The following DPEP1 variants were observed in gnomAD, a reference collection of about 807,000 sequenced individuals.
DPEP1 encodes the protein beta-lactamase.
Under a neutral mutation model 42.3 loss-of-function variants are expected in DPEP1, and 50 were observed. The observed-to-expected ratio is 1.18, with a 90% CI of 0.94 to 1.50. DPEP1 has a LOEUF of 1.50. Ranked by LOEUF, DPEP1 falls within the 40% of genes most tolerant of loss-of-function variation. The pLI is 0.00. For synonymous variants in DPEP1, 297 were observed against 234.0 expected (o/e 1.27, Z -2.46); for missense variants, 663 against 553.0 (o/e 1.20, Z -1.99).
At chr16:89,631,862 A>T (rs2059593652) in intron 2 of DPEP1, among the ~76,000 whole-genome samples, 1 of 152,134 alleles carries the variant, frequency 6.6e-6, no homozygotes. Flanking sequence ...ATCTCAAATT[A>T]AAAAAACTTA....
downstream of DPEP1, chr16:89,640,580 T>C (rs1312133475): frequency 2.0e-6 from 2 of 982,670 alleles, no homozygotes; most frequent in Admixed American, 6.2e-5. Flanking sequence ...TCGTTCTGTC[T>C]GTTCCCCTCC....
At chr16:89,638,901 GCACA>G (rs1225823003), downstream of DPEP1, among the ~76,000 whole-genome samples, 13 of 23,774 alleles carry the variant, frequency 5.5e-4, 2 homozygotes, top group East Asian at 0.031. Context: ...CCCCACCCCT[GCACA>G]CACACACACA....
At chr16:89,634,093 T>TCTTC (rs57560272) in intron 2 of DPEP1, among the ~76,000 whole-genome samples, 2 of 133,060 alleles carry the variant, frequency 1.5e-5, no homozygotes, top group Admixed American at 7.2e-5. Flanking sequence ...CTCTTCTTCT[T>TCTTC]TTTTTTTTTT....
rs1304175485 is a variant in DPEP1 at position 89,637,228 on chromosome 16, C to G, written c.616C>G (p.Leu206Val). Residue 206 changes from leucine (L) to valine (V), a missense_variant, in exon 7 of 11, where the codon CTG becomes GTG. Leu to Val is a conservative substitution (Grantham distance 32, BLOSUM62 1). Coordinates refer to ENST00000690203, the MANE Select transcript of DPEP1 (RefSeq NM_001389466.1). ...GQRVVKELNR[L>V]GVLIDLAHVS... ...GCGTGTGGTGAAGGAGCTGAACCGT[C>G]TGGGGGTCCTCATCGACTTGGCTCA... 1.2e-6 allele frequency: 2 copies of G among 1,612,672 alleles called. No homozygotes were observed. The highest frequency in any genetic ancestry group is 8.5e-7 in the Non-Finnish European group (1 of 1,179,918).
At chr16:89,616,458 G>A (rs975888441) in intron 1 of DPEP1, among the ~76,000 whole-genome samples, 2 of 152,174 alleles carry the variant, frequency 1.3e-5, no homozygotes, top group African/African-American at 2.4e-5. Context: ...TTGGATGGAG[G>A]AGGGGGTCGC....
At chr16:89,619,784 A>T (rs1223338947) in intron 1 of DPEP1, among the ~76,000 whole-genome samples, 1 of 234 alleles carries the variant, frequency 4.3e-3, no homozygotes, top group African/African-American at 0.029. Flanking sequence ...AGCCCCCTGC[A>T]CCCCCTCCCT....
intron 1 of DPEP1, among the ~76,000 whole-genome samples, chr16:89,622,023 C>T (rs1188751071): frequency 2.0e-5 from 3 of 152,128 alleles, no homozygotes; most frequent in African/African-American, 4.8e-5. Flanking sequence ...ACATCACTGT[C>T]GAGGCTGTCA....
intron 2 of DPEP1, among the ~76,000 whole-genome samples, chr16:89,632,232 TA>T (rs1288480136): frequency 1.3e-5 from 2 of 152,066 alleles, no homozygotes; most frequent in African/African-American, 4.8e-5. Flanking sequence ...TTGGTATTTT[TA>T]GTAGAGACAG....
At position 89,637,868 on chromosome 16, in the gene DPEP1, A is replaced by C; in HGVS notation, c.962A>C (p.Tyr321Ser). The change falls in exon 10 of 11, where the codon TAT becomes TCT. Residue 321 changes from tyrosine (Y) to serine (S), a missense_variant. Coordinates refer to ENST00000690203, the MANE Select transcript of DPEP1 (RefSeq NM_001389466.1). ...GAGGGGCTGGAGGACGTCTCCAAGT[A>C]TCCAGACCTGATCGCTGAGCTGCTC... is the stretch of plus-strand genomic sequence containing the variant. ...VPEGLEDVSKYPDLIAELLRR... is the reference protein window; with the variant it reads ...VPEGLEDVSKSPDLIAELLRR... 1 of 1,612,770 alleles carries C rather than the reference A, an allele frequency of 6.2e-7. No homozygotes were observed. Among genetic ancestry groups the C allele is most frequent in the South Asian group, 1.1e-5 (1 of 91,082 alleles).
In DPEP1 at chr16:89,637,286, A is replaced by T. The variant is rs769332649; in HGVS notation, c.674A>T (p.Gln225Leu). ...GTGGCCACCATGAAGGCCACCCTGC[A>T]GCTGTCCAGAGCCCCGGTCATCTTC... ...VSVATMKATL[Q>L]LSRAPVIFSH... is the part of the protein sequence containing the mutation. The change falls in exon 7 of 11, where the codon CAG (glutamine) becomes CTG (leucine). Residue 225 changes from glutamine to leucine, a missense_variant. Gln to Leu is a moderately radical substitution (Grantham distance 113, BLOSUM62 -2). Coordinates refer to ENST00000690203, the MANE Select transcript of DPEP1 (RefSeq NM_001389466.1). 1 of 1,612,698 alleles carries T rather than the reference A, an allele frequency of 6.2e-7. No individual in the cohort carries two copies. The highest frequency in any genetic ancestry group is 8.5e-7 in the Non-Finnish European group (1 of 1,179,974).
chr16:89,632,414 G>A (rs976454135), intron 2 of DPEP1, among the ~76,000 whole-genome samples: 32 of 152,182 alleles, frequency 2.1e-4, no homozygotes, highest in Admixed American at 4.6e-4. Context: ...CACCGCCAGC[G>A]ACACAGGGGC....
At chr16:89,621,483 C>T (rs139833301) in intron 1 of DPEP1, among the ~76,000 whole-genome samples, 248 of 152,288 alleles carry the variant, frequency 1.6e-3, no homozygotes, top group African/African-American at 5.5e-3. Context: ...AGAGAGAGTC[C>T]GGGGCTGCTG....
chr16:89,634,085 C>CTCCTTCTT (rs2059626556), intron 2 of DPEP1, among the ~76,000 whole-genome samples: 1 of 97,008 alleles, frequency 1.0e-5, no homozygotes, highest in Non-Finnish European at 2.1e-5. Flanking sequence ...TTTCTCTTCT[C>CTCCTTCTT]TTCTTCTTTT....
At chr16:89,620,286 G>T (rs1277009126) in intron 1 of DPEP1, among the ~76,000 whole-genome samples, 2 of 152,030 alleles carry the variant, frequency 1.3e-5, no homozygotes, top group Non-Finnish European at 2.9e-5. Flanking sequence ...TCTGCCAGTG[G>T]GGGGGACACA....
Position 89,616,593 on chromosome 16 carries a change from C to A in DPEP1, c.-107+2874C>A, listed in dbSNP as rs145205145. Among the ~76,000 whole-genome samples the A allele has an allele frequency of 3.0e-3, 459 of 152,312 alleles. 3 individuals carry two copies. The Middle Eastern group carries it at 0.034, about 11-fold the overall frequency. On this transcript the variant is annotated intron_variant, in intron 1 of 10. Coordinates refer to ENST00000690203, the MANE Select transcript of DPEP1 (RefSeq NM_001389466.1). ...GATGCTTCTGGTTCTGGCACTGGGA[C>A]CTGCAGCAGGATTCCCGGGTGGCTT...
downstream of DPEP1, among the ~76,000 whole-genome samples, chr16:89,639,150 G>A (rs2059723274): frequency 5.4e-5 from 1 of 18,352 alleles, no homozygotes. Context: ...CCTCATCCTT[G>A]CACACACACA....
chr16:89,620,209 A>ACGG (rs1431702842), intron 1 of DPEP1, among the ~76,000 whole-genome samples: 3 of 151,994 alleles, frequency 2.0e-5, no homozygotes, highest in Non-Finnish European at 2.9e-5. Context: ...GAAACTGAGG[A>ACGG]CGGAGTTTGT....
intron 1 of DPEP1, among the ~76,000 whole-genome samples, chr16:89,615,039 A>C (rs1035678171): frequency 6.6e-6 from 1 of 152,132 alleles, no homozygotes; most frequent in African/African-American, 2.4e-5. Context: ...GTCTGACCCC[A>C]TGGAGAAGCT....
At position 89,636,034 on chromosome 16, in the gene DPEP1, A is replaced by C. The variant is rs1360966856; in HGVS notation, c.231A>C (p.Gly77=). ...NIPKLRAGFV[G]GQFWSVYTPC... Reference sequence around the variant, plus strand: ...CCAAGCTGAGGGCCGGCTTTGTGGGAGGCCAGGTACCGCCTGCCCTGCCTT... The same window carrying C: ...CCAAGCTGAGGGCCGGCTTTGTGGGCGGCCAGGTACCGCCTGCCCTGCCTT... The change falls in exon 3 of 11, where the codon GGA becomes GGC. Residue 77 remains glycine (G), a synonymous_variant. Transcript: ENST00000690203. 26 of 1,608,028 alleles carry C rather than the reference A, an allele frequency of 1.6e-5. No individual in the cohort carries two copies. Among genetic ancestry groups the C allele is most frequent in the Non-Finnish European group, 2.2e-5 (26 of 1,177,610 alleles).
Sources: gnomAD v4.1 joint callset for allele counts (sites outside exome capture counted in the v4.1 genomes callset) on GRCh38, gnomAD v4.1.1 for gene constraint, MANE v1.5 for transcripts, NCBI Gene and HGNC (gene_info 2026-07-23, HGNC 2026-07-21) for gene names.